Variants in MEIKIN observed in about 807,000 individuals in gnomAD.
MEIKIN encodes meiosis-specific kinetochore protein.
intron 5 of MEIKIN, among the ~76,000 whole-genome samples, chr5:131,927,298 A>G (rs1490433194): frequency 1.3e-5 from 2 of 152,056 alleles, no homozygotes; most frequent in East Asian, 3.8e-4. Flanking sequence ...TCTGCTACTG[A>G]TTTCTAGTTT....
At chr5:131,923,426 A>G (rs1216735660) in intron 5 of MEIKIN, among the ~76,000 whole-genome samples, 2 of 149,850 alleles carry the variant, frequency 1.3e-5, no homozygotes, top group African/African-American at 2.5e-5. Flanking sequence ...TTTTCCTGGA[A>G]CTCCTATTAT....
chr5:131,875,815 G>T (rs1428134223), intron 9 of MEIKIN, among the ~76,000 whole-genome samples: 2 of 152,158 alleles, frequency 1.3e-5, no homozygotes, highest in African/African-American at 2.4e-5. Flanking sequence ...CTATGGAACA[G>T]AACACAGCAC....
chr5:131,927,820 T>C (rs867865898), intron 5 of MEIKIN, among the ~76,000 whole-genome samples: 4 of 152,260 alleles, frequency 2.6e-5, no homozygotes, highest in South Asian at 4.2e-4. Context: ...TCTTTTTCCA[T>C]CTCTCCATTT....
intron 11 of MEIKIN, among the ~76,000 whole-genome samples, chr5:131,840,202 C>T (rs901711675): frequency 6.6e-6 from 1 of 152,188 alleles, no homozygotes; most frequent in African/African-American, 2.4e-5. Flanking sequence ...ATCTCTTCTG[C>T]CTTTTAGGGT....
In MEIKIN at chr5:131,892,549, G is replaced by A. The variant is rs183780004; in HGVS notation, c.704-13501C>T. Among the ~76,000 whole-genome samples, 14 of 152,234 alleles carry A rather than the reference G, an allele frequency of 9.2e-5. No individual in the cohort carries two copies. The East Asian group carries it at 9.6e-4, about 10-fold the overall frequency. On this transcript the variant is annotated intron_variant, in intron 8 of 12. Transcript: ENST00000442687. ...GCATTCGTCACGTAGTTCTTGTGCC[G>A]TGGTTTTCAGCTCCATCAGGTCTTT...
At chr5:131,819,932 C>T (rs1252033069) in intron 11 of MEIKIN, among the ~76,000 whole-genome samples, 1 of 148,010 alleles carries the variant, frequency 6.8e-6, no homozygotes, top group Non-Finnish European at 1.5e-5. Context: ...CCCGCCACTA[C>T]GCCCGGCTAA....
At chr5:131,902,501 C>CTTGTACATT (rs1195930678) in intron 8 of MEIKIN, among the ~76,000 whole-genome samples, 6 of 151,914 alleles carry the variant, frequency 3.9e-5, no homozygotes, top group African/African-American at 1.5e-4. Flanking sequence ...TCTTGTACAT[C>CTTGTACATT]TTGCTTCCTG....
rs187719325 is a variant in MEIKIN at position 131,851,913 on chromosome 5, C to T, written c.856-530G>A. 2.0e-5 allele frequency among the ~76,000 whole-genome samples: 3 copies of T among 152,268 alleles called. No homozygotes were observed. In the East Asian group the frequency reaches 5.8e-4, roughly 29 times the overall value. On this transcript the variant is annotated intron_variant, in intron 10 of 12. Transcript: ENST00000442687. Reference sequence around the variant, plus strand: ...ACATATTTTGGTATCTTTGAGAAGTCCTGGAACCAATTCCCCATGAATACT... The same window carrying T: ...ACATATTTTGGTATCTTTGAGAAGTTCTGGAACCAATTCCCCATGAATACT...
intron 8 of MEIKIN, among the ~76,000 whole-genome samples, chr5:131,901,158 G>T (rs1393110241): frequency 6.6e-6 from 1 of 152,132 alleles, no homozygotes; most frequent in Non-Finnish European, 1.5e-5. Flanking sequence ...CAAGGCCACT[G>T]CCACTCACAT....
intron 8 of MEIKIN, among the ~76,000 whole-genome samples, chr5:131,901,986 A>T (rs935954228): frequency 6.6e-6 from 1 of 152,038 alleles, no homozygotes; most frequent in African/African-American, 2.4e-5. Context: ...GTGCTTTAGC[A>T]CCACCCTCTT....
intron 8 of MEIKIN, among the ~76,000 whole-genome samples, chr5:131,906,675 C>T (rs1751248310): frequency 6.6e-6 from 1 of 152,160 alleles, no homozygotes; most frequent in African/African-American, 2.4e-5. Context: ...CCATGGAATG[C>T]CATGCAGTCA....
At chr5:131,829,480 A>T (rs550169443) in intron 11 of MEIKIN, among the ~76,000 whole-genome samples, 2 of 152,314 alleles carry the variant, frequency 1.3e-5, no homozygotes, top group Non-Finnish European at 2.9e-5. Flanking sequence ...ATGGGAGAAC[A>T]GGTAAGAATG....
At chr5:131,923,563 A>T (rs1245323847) in intron 5 of MEIKIN, among the ~76,000 whole-genome samples, 1 of 143,668 alleles carries the variant, frequency 7.0e-6, no homozygotes, top group East Asian at 2.0e-4. Context: ...TTTCTGGTAA[A>T]TCTCAACTTA....
rs545199280 is a variant in MEIKIN, at chr5:131,858,140, G to T, written c.775-3306C>A. ...TCCTGAGACCAGAGAACAAAGCTGG[G>T]GGCCTGGTACCAGCACCCTTAGAGT... is the stretch of plus-strand genomic sequence containing the variant. On this transcript the variant is annotated intron_variant, in intron 9 of 12. Coordinates refer to ENST00000442687, the MANE Select transcript of MEIKIN (RefSeq NM_001303622.2). Among the ~76,000 whole-genome samples, 19 of 152,296 alleles carry T rather than the reference G, an allele frequency of 1.2e-4. No homozygotes were observed. In the East Asian group the frequency reaches 3.5e-3, roughly 28 times the overall value.
intron 8 of MEIKIN, among the ~76,000 whole-genome samples, chr5:131,903,252 C>T (rs1751188456): frequency 6.6e-6 from 1 of 152,064 alleles, no homozygotes; most frequent in Non-Finnish European, 1.5e-5. Context: ...TGAAAATTTC[C>T]CCAAGCTCAC....
chr5:131,823,555 T>G (rs181201495), intron 11 of MEIKIN, among the ~76,000 whole-genome samples: 3 of 152,208 alleles, frequency 2.0e-5, no homozygotes, highest in Admixed American at 2.0e-4. Flanking sequence ...TTTGAATGCC[T>G]TTGTCTAATT....
intron 9 of MEIKIN, among the ~76,000 whole-genome samples, chr5:131,865,001 T>C (rs1750358981): frequency 6.6e-6 from 1 of 152,222 alleles, no homozygotes; most frequent in African/African-American, 2.4e-5. Flanking sequence ...TTTAGTCTAT[T>C]GTTGAATCTT....
intron 2 of MEIKIN, 33 bp from the exon 3 acceptor site, chr5:131,944,785 A>G (rs1751933089): frequency 7.5e-6 from 3 of 398,944 alleles, no homozygotes; most frequent in Non-Finnish European, 1.3e-5. Context: ...AGTTTGCACC[A>G]TCTGGATTTG....
chr5:131,830,916 T>C (rs79057414), intron 11 of MEIKIN, among the ~76,000 whole-genome samples: 1 of 151,988 alleles, frequency 6.6e-6, no homozygotes, highest in Non-Finnish European at 1.5e-5. Flanking sequence ...TTTTTTTTTT[T>C]AGACAGAGTC....
Sources: gnomAD v4.1 joint callset for allele counts (sites outside exome capture counted in the v4.1 genomes callset) on GRCh38, gnomAD v4.1.1 for gene constraint, MANE v1.5 for transcripts, NCBI Gene and HGNC (gene_info 2026-07-23, HGNC 2026-07-21) for gene names.